DCDC1: variants seen among roughly 807,000 people sequenced by gnomAD.
The protein encoded by DCDC1 is doublecortin domain containing 1.
DCDC1 carries 200 observed loss-of-function variants against 178.3 expected under a neutral mutation model. The observed-to-expected ratio is 1.12, with a 90% confidence interval of 1.00 to 1.26. The LOEUF (loss-of-function observed/expected upper bound fraction) is 1.26. Among genes scored for constraint, DCDC1 ranks in the 50% most tolerant of loss-of-function variants. DCDC1 has a pLI of 0.00. For synonymous variants in DCDC1, 690 were observed against 604.8 expected, an observed-to-expected ratio of 1.14 and a Z score of -2.07; for missense variants, 1,983 against 1,749.2, an observed-to-expected ratio of 1.13 and a Z score of -2.38.
chr11:30,893,455 C>G (rs1318439086), intron 35 of DCDC1, among the ~76,000 whole-genome samples: 1 of 152,148 alleles, frequency 6.6e-6, no homozygotes, highest in Non-Finnish European at 1.5e-5. Flanking sequence ...AATACAGCAT[C>G]CACCCTTATA....
intron 18 of DCDC1, among the ~76,000 whole-genome samples, chr11:31,073,996 C>T (rs1029640564): frequency 2.0e-5 from 3 of 152,082 alleles, no homozygotes; most frequent in Admixed American, 1.3e-4. Flanking sequence ...AGTCAGGGTC[C>T]AGTAAGGAGA....
chr11:31,359,353 A>T (rs1037675927), intron 1 of DCDC1, among the ~76,000 whole-genome samples: 3 of 150,116 alleles, frequency 2.0e-5, no homozygotes, highest in African/African-American at 7.3e-5. Context: ...CAAACACCGC[A>T]TATTCTCACT....
intron 10 of DCDC1, among the ~76,000 whole-genome samples, chr11:31,132,817 C>T (rs1167818954): frequency 1.3e-5 from 2 of 152,162 alleles, no homozygotes; most frequent in African/African-American, 4.8e-5. Context: ...GGAAATGCAG[C>T]ACGGAAGTGA....
intron 8 of DCDC1, among the ~76,000 whole-genome samples, chr11:31,246,866 G>T (rs1943603260): frequency 1.3e-5 from 2 of 152,016 alleles, no homozygotes; most frequent in African/African-American, 4.8e-5. Context: ...AAAAGATTTA[G>T]CAGTGGTTTT....
intron 36 of DCDC1, among the ~76,000 whole-genome samples, chr11:30,891,988 C>A (rs1214359082): frequency 2.0e-5 from 3 of 152,134 alleles, no homozygotes; most frequent in Non-Finnish European, 4.4e-5. Context: ...TAGTATCTTG[C>A]CTTTCCACAC....
chr11:31,040,029 A>C (rs1954328162), intron 20 of DCDC1, among the ~76,000 whole-genome samples: 1 of 152,156 alleles, frequency 6.6e-6, no homozygotes, highest in Non-Finnish European at 1.5e-5. Context: ...GTATCCAAAA[A>C]AGATGGGTCA....
At chr11:31,338,074 C>A (rs950514226) in intron 1 of DCDC1, among the ~76,000 whole-genome samples, 2 of 152,124 alleles carry the variant, frequency 1.3e-5, no homozygotes, top group African/African-American at 4.8e-5. Flanking sequence ...TCAGGAAGTA[C>A]AATGTACAAG....
chr11:31,150,211 G>A (rs1330995233), intron 9 of DCDC1, among the ~76,000 whole-genome samples: 1 of 152,130 alleles, frequency 6.6e-6, no homozygotes, highest in Non-Finnish European at 1.5e-5. Flanking sequence ...AATAACTATG[G>A]ATATGCACCC....
At chr11:31,204,428 GA>G (rs372599816) in intron 9 of DCDC1, among the ~76,000 whole-genome samples, 1,604 of 139,546 alleles carry the variant, frequency 0.011, 20 homozygotes, top group South Asian at 0.041. Context: ...AAGATAGCCT[GA>G]AAAAAAAAAA....
At chr11:31,243,269 G>A (rs1353115639) in intron 8 of DCDC1, among the ~76,000 whole-genome samples, 1 of 151,656 alleles carries the variant, frequency 6.6e-6, no homozygotes, top group Non-Finnish European at 1.5e-5. Flanking sequence ...CCTAGCTTAA[G>A]AATCATCAGT....
chr11:31,029,018 C>T (rs1953442813), intron 20 of DCDC1, among the ~76,000 whole-genome samples: 1 of 151,940 alleles, frequency 6.6e-6, no homozygotes, highest in Admixed American at 6.6e-5. Context: ...TAAGATTTTA[C>T]GATGACAATG....
At chr11:30,997,927 A>G (rs138459375) in intron 20 of DCDC1, among the ~76,000 whole-genome samples, 29 of 152,230 alleles carry the variant, frequency 1.9e-4, no homozygotes, top group Admixed American at 3.3e-4. Context: ...AGCTGATTCT[A>G]TATTGCAGCA....
At chr11:31,301,923 A>AT (rs1948141283) in intron 6 of DCDC1, among the ~76,000 whole-genome samples, 1 of 152,086 alleles carries the variant, frequency 6.6e-6, no homozygotes. Context: ...CCTTTCATGC[A>AT]TTTTTTTCTG....
Position 31,307,846 on chromosome 11 carries a change from T to C in DCDC1, c.227A>G (p.Gln76Arg). ...ATGCACGAGTCTGTTGGGGCCAAAC[T>C]GAGACTGCAAATAATCATCAGTAGT... ...IKTTDDYLQS[Q>R]FGPNRLVHSA... The change falls in exon 4 of 39, where the codon CAG (glutamine) becomes CGG (arginine). Residue 76 changes from glutamine (Q) to arginine (R), a missense_variant. By Grantham distance (43) the Gln-to-Arg change is conservative. Coordinates refer to ENST00000684477, the MANE Select transcript of DCDC1 (RefSeq NM_001387274.1). 1 of 1,614,152 alleles carries C rather than the reference T, an allele frequency of 6.2e-7. No individual in the cohort carries two copies. Among genetic ancestry groups the C allele is most frequent in the South Asian group, 1.1e-5 (1 of 91,086 alleles).
At chr11:30,921,999 G>A (rs1000387925) in intron 24 of DCDC1, among the ~76,000 whole-genome samples, 2 of 152,152 alleles carry the variant, frequency 1.3e-5, no homozygotes, top group Non-Finnish European at 2.9e-5. Context: ...CAGAGAGAAG[G>A]CTGAATCAGG....
At chr11:31,040,129 TAA>T (rs898197053) in intron 20 of DCDC1, among the ~76,000 whole-genome samples, 1 of 148,752 alleles carries the variant, frequency 6.7e-6, no homozygotes, top group African/African-American at 2.5e-5. Flanking sequence ...TGGTCAAAAC[TAA>T]AAAAAAATTA....
At chr11:31,285,099 A>T (rs2137325887) in intron 7 of DCDC1, among the ~76,000 whole-genome samples, 1 of 152,076 alleles carries the variant, frequency 6.6e-6, no homozygotes, top group South Asian at 2.1e-4. Context: ...TTTTTAAAAA[A>T]ATTCTGACTA....
In DCDC1 at chr11:31,290,726, G is replaced by A. The variant is rs1424668477; in HGVS notation, c.881C>T (p.Ser294Leu). 3 of 1,613,372 alleles carry A rather than the reference G, an allele frequency of 1.9e-6. No homozygotes were observed. Among genetic ancestry groups the A allele is most frequent in the East Asian group, 2.2e-5 (1 of 44,850 alleles). The change falls in exon 7 of 39, where the codon TCA (serine) becomes TTA (leucine). Residue 294 changes from serine to leucine, a missense_variant. Ser to Leu is a moderately radical substitution (Grantham distance 145, BLOSUM62 -2). Transcript: ENST00000684477. ...IRMKKLTERT[S>L]VRILFFKNGM... is the part of the protein sequence containing the mutation. ...ATTCTTAAAGAACAGAATTCGGACT[G>A]AGGTCCTCTCAGTAAGTTTCTTCAT... is the stretch of plus-strand genomic sequence containing the variant.
chr11:31,007,707 A>G (rs1297178767), intron 20 of DCDC1, among the ~76,000 whole-genome samples: 1 of 151,638 alleles, frequency 6.6e-6, no homozygotes, highest in African/African-American at 2.4e-5. Flanking sequence ...TGTGTCTCCC[A>G]GGCTGGAGTG....
Sources: gnomAD v4.1 joint callset for allele counts (sites outside exome capture counted in the v4.1 genomes callset) on GRCh38, gnomAD v4.1.1 for gene constraint, MANE v1.5 for transcripts, NCBI Gene and HGNC (gene_info 2026-07-23, HGNC 2026-07-21) for gene names.